The following CDC14B variants were observed in gnomAD, a reference collection of about 807,000 sequenced individuals.
CDC14B encodes dual specificity protein phosphatase CDC14B.
CDC14B carries 22 observed loss-of-function variants against 64.2 expected under a neutral mutation model. The ratio of observed to expected loss-of-function variants is 0.34; its 90% CI spans 0.24 to 0.49. CDC14B has a LOEUF of 0.49. Among genes scored for constraint, CDC14B ranks in the 20% least tolerant of loss-of-function variants. CDC14B has a pLI of 0.99. For synonymous variants in CDC14B, 191 were observed against 215.8 expected (o/e 0.89, Z 1.01); for missense variants, 498 against 629.9 (o/e 0.79, Z 2.24).
intron 1 of CDC14B, among the ~76,000 whole-genome samples, chr9:96,605,330 T>C (rs1018970263): frequency 6.6e-6 from 1 of 152,176 alleles, no homozygotes; most frequent in Non-Finnish European, 1.5e-5. Context: ...CCATTTTGCC[T>C]ACTGTCATAG....
Position 96,619,223 on chromosome 9 carries a change from G to A in CDC14B, c.156C>T (p.Ile52=). Reference sequence around the variant, plus strand: ...CGCGCCCACTGGCCGGCTCACCGGTGATGTCCAGGTACACGTCGTCCTGGG... The same window carrying A: ...CGCGCCCACTGGCCGGCTCACCGGTAATGTCCAGGTACACGTCGTCCTGGG... ...RDPQDDVYLD[I]TDRLCFAILY... is the part of the protein sequence containing the mutation. The change falls in exon 1 of 14, where the codon ATC becomes ATT. Residue 52 remains isoleucine (I), a synonymous_variant. Transcript: ENST00000375241. The A allele has an allele frequency of 7.6e-7, 1 of 1,322,642 alleles. No homozygotes were observed. Among genetic ancestry groups the A allele is most frequent in the Non-Finnish European group, 9.7e-7 (1 of 1,032,692 alleles). The allele number at this position is 1,322,642 out of a possible 1,614,324, so 81.9% of individuals were successfully genotyped here.
chr9:96,509,842 T>G, intron 12 of CDC14B, 53 bp from the exon 13 acceptor site: 593 of 986,220 alleles, frequency 6.0e-4, no homozygotes, highest in Non-Finnish European at 8.5e-4. Flanking sequence ...CATTTGCAAA[T>G]ACTTGACAGA....
intron 5 of CDC14B, among the ~76,000 whole-genome samples, chr9:96,544,424 T>C (rs1265389592): frequency 2.0e-5 from 3 of 152,172 alleles, no homozygotes; most frequent in African/African-American, 7.2e-5. Context: ...GCTAAAATCG[T>C]CTTCAATGTT....
At chr9:96,591,553 T>C (rs2118605664) in intron 1 of CDC14B, among the ~76,000 whole-genome samples, 1 of 152,296 alleles carries the variant, frequency 6.6e-6, no homozygotes, top group South Asian at 2.1e-4. Flanking sequence ...AAGCTTGTTT[T>C]GGATATTCAA....
intron 1 of CDC14B, among the ~76,000 whole-genome samples, chr9:96,617,623 G>C (rs1251245312): frequency 6.6e-6 from 1 of 152,072 alleles, no homozygotes; most frequent in Non-Finnish European, 1.5e-5. Context: ...GCACGTGTAT[G>C]GTAGAGAATA....
chr9:96,564,540 TG>T (rs1286997123), intron 3 of CDC14B, among the ~76,000 whole-genome samples: 1 of 152,192 alleles, frequency 6.6e-6, no homozygotes, highest in African/African-American at 2.4e-5. Context: ...TTCAAGTATT[TG>T]GGCATCACTA....
rs1477717666 is a variant in CDC14B at position 96,562,837 on chromosome 9, C to T, written c.328-52G>A. The T allele has an allele frequency of 8.6e-6, 10 of 1,164,204 alleles. No homozygotes were observed. In the Admixed American group the frequency reaches 1.8e-4, roughly 21 times the overall value. 72.1% of individuals were successfully genotyped at this position (1,164,204 alleles called of 1,614,324 possible). On this transcript the variant is annotated intron_variant, in intron 3 of 13. Coordinates refer to ENST00000375241, the MANE Select transcript of CDC14B (RefSeq NM_033331.4). ...ATTTTCTTTTTAATTTCAAGTCTTC[C>T]ACAATTTCATTTTGTGATGAAGATC...
intron 4 of CDC14B, among the ~76,000 whole-genome samples, chr9:96,560,767 T>G (rs933027845): frequency 1.3e-5 from 2 of 151,068 alleles, no homozygotes; most frequent in African/African-American, 4.9e-5. Flanking sequence ...AACTTTTTTT[T>G]TTTTTTTTAA....
chr9:96,602,445 G>A (rs911554791), intron 1 of CDC14B, among the ~76,000 whole-genome samples: 2 of 152,124 alleles, frequency 1.3e-5, no homozygotes, highest in South Asian at 2.1e-4. Flanking sequence ...GGACATCCCC[G>A]AAACTGGGCA....
At chr9:96,507,563 C>G (rs899596132) in intron 13 of CDC14B, among the ~76,000 whole-genome samples, 60 of 151,908 alleles carry the variant, frequency 3.9e-4, no homozygotes, top group African/African-American at 1.4e-3. Flanking sequence ...TTACAGGCAC[C>G]CGCCACTGCA....
At chr9:96,506,523 T>TG (rs1401686955) in intron 13 of CDC14B, among the ~76,000 whole-genome samples, 1 of 152,136 alleles carries the variant, frequency 6.6e-6, no homozygotes, top group Non-Finnish European at 1.5e-5. Flanking sequence ...TAGAGGAAGG[T>TG]GGGGAAATAA....
At chr9:96,539,333 AACTAT>A (rs1839726426) in intron 6 of CDC14B, among the ~76,000 whole-genome samples, 193 bp from the exon 7 acceptor site, 1 of 152,152 alleles carries the variant, frequency 6.6e-6, no homozygotes, top group Admixed American at 6.5e-5. Flanking sequence ...AATTAATTAT[AACTAT>A]ATGTAATAAG....
chr9:96,522,444 T>A (rs1836876776), intron 12 of CDC14B, 62 bp downstream of exon 12: 5 of 1,083,868 alleles, frequency 4.6e-6, no homozygotes, highest in Non-Finnish European at 7.2e-6. Flanking sequence ...GGAAAAACCC[T>A]CACCAAGGAC....
At position 96,557,661 on chromosome 9, in the gene CDC14B, T is replaced by C. The variant is rs13301771; in HGVS notation, c.420+5032A>G. Among the ~76,000 whole-genome samples the C allele has an allele frequency of 5.3e-3, 810 of 152,346 alleles. 3 individuals carry two copies. The highest frequency in any genetic ancestry group is 8.5e-3 in the Non-Finnish European group (580 of 68,030). On this transcript the variant is annotated intron_variant, in intron 4 of 13. Transcript: ENST00000375241. ...TCTCACAGATTGCTGAGTTAATATA[T>C]TCTTAAATTTAATTAGTATCATCAT...
intron 12 of CDC14B, among the ~76,000 whole-genome samples, chr9:96,520,719 A>G (rs928230586): frequency 1.3e-5 from 2 of 152,148 alleles, no homozygotes; most frequent in Non-Finnish European, 2.9e-5. Context: ...GCTAAAATCA[A>G]CCCACAAAAG....
chr9:96,540,113 G>A (rs780841145), intron 6 of CDC14B, among the ~76,000 whole-genome samples: 6 of 152,156 alleles, frequency 3.9e-5, no homozygotes, highest in Non-Finnish European at 7.4e-5. Context: ...TATATTTCAT[G>A]ATTTTGGACT....
At chr9:96,598,229 A>C (rs916842834) in intron 1 of CDC14B, among the ~76,000 whole-genome samples, 1 of 152,260 alleles carries the variant, frequency 6.6e-6, no homozygotes, top group Non-Finnish European at 1.5e-5. Context: ...ACCTATACTC[A>C]TAAGAGAAAT....
At chr9:96,516,828 G>T (rs574719186) in intron 12 of CDC14B, among the ~76,000 whole-genome samples, 100 of 151,818 alleles carry the variant, frequency 6.6e-4, no homozygotes, top group African/African-American at 2.4e-3. Context: ...TTTCACTCTT[G>T]TCGCCCAGGC....
rs1042820097 is a variant in CDC14B at position 96,563,480 on chromosome 9, G to C, written c.328-695C>G. On this transcript the variant is annotated intron_variant, in intron 3 of 13. Transcript: ENST00000375241. ...AGCCTGACCAACATGGAGAAACTCC[G>C]TCTCTACTAAAAATACAAAACTAGC... Among the ~76,000 whole-genome samples the C allele has an allele frequency of 4.0e-5, 6 of 151,898 alleles. No individual in the cohort carries two copies. In the South Asian group the frequency reaches 1.0e-3, roughly 26 times the overall value.
Sources: allele counts gnomAD v4.1 joint callset (sites outside exome capture counted in the v4.1 genomes callset), GRCh38; gene constraint gnomAD v4.1.1; transcripts MANE v1.5; gene names NCBI Gene and HGNC (gene_info 2026-07-23, HGNC 2026-07-21).